Variants in CDH13 observed in about 807,000 individuals in gnomAD.
CDH13 encodes the protein cadherin 13.
CDH13 carries 24 observed loss-of-function variants against 63.8 expected under a neutral mutation model. The ratio of observed to expected loss-of-function variants is 0.38; its 90% CI spans 0.27 to 0.53. The LOEUF is 0.53. Among genes scored for constraint, CDH13 ranks in the 20% least tolerant of loss-of-function variants. The probability of loss-of-function intolerance (pLI) is 0.85; values close to 1 mark genes in which losing one functional copy is unlikely to be tolerated. For missense variants in CDH13, 1,049 were observed against 903.1 expected (o/e 1.16, Z -2.07); for synonymous variants, 503 against 355.3 (o/e 1.42, Z -4.67).
chr16:82,766,056 A>G (rs541828357), intron 1 of CDH13, among the ~76,000 whole-genome samples: 2 of 152,346 alleles, frequency 1.3e-5, no homozygotes, highest in African/African-American at 4.8e-5. Flanking sequence ...ACTAAGCTTA[A>G]GAATTGAGGT....
At chr16:82,806,496 G>C (rs1181738806) in intron 1 of CDH13, among the ~76,000 whole-genome samples, 1 of 151,764 alleles carries the variant, frequency 6.6e-6, no homozygotes, top group African/African-American at 2.4e-5. Context: ...TCTGTTTTTT[G>C]TTTTGTTTTG....
At chr16:83,561,703 T>C (rs959408668) in intron 7 of CDH13, among the ~76,000 whole-genome samples, 5 of 152,206 alleles carry the variant, frequency 3.3e-5, no homozygotes, top group African/African-American at 1.2e-4. Flanking sequence ...AAGGTGATGA[T>C]GAATTTTGAG....
At chr16:83,442,737 C>G (rs767591116) in intron 6 of CDH13, among the ~76,000 whole-genome samples, 1 of 152,190 alleles carries the variant, frequency 6.6e-6, no homozygotes, top group Non-Finnish European at 1.5e-5. Flanking sequence ...ACAGTGATAT[C>G]AGAATGTTAC....
chr16:82,835,412 C>T lies in CDH13; in HGVS notation c.46-22950C>T, dbSNP rs192466986. Among the ~76,000 whole-genome samples, 13 of 152,280 alleles carry T rather than the reference C, an allele frequency of 8.5e-5. No individual in the cohort carries two copies. In the East Asian group the frequency reaches 2.5e-3, roughly 29 times the overall value. Reference sequence around the variant, plus strand: ...CCTGGATTTAAACTCCAAAGCTACCCCAATTTTAGCTGGAGGGACCATATT... The same window carrying T: ...CCTGGATTTAAACTCCAAAGCTACCTCAATTTTAGCTGGAGGGACCATATT... On this transcript the variant is annotated intron_variant, in intron 1 of 13. Coordinates refer to ENST00000567109, the MANE Select transcript of CDH13 (RefSeq NM_001257.5).
intron 7 of CDH13, among the ~76,000 whole-genome samples, chr16:83,561,069 C>T (rs913001548): frequency 1.6e-4 from 25 of 152,140 alleles, no homozygotes; most frequent in African/African-American, 6.0e-4. Context: ...CTGTGACTCC[C>T]AAACCAATAA....
intron 5 of CDH13, among the ~76,000 whole-genome samples, chr16:83,307,977 C>T (rs566158195): frequency 1.3e-5 from 2 of 152,106 alleles, no homozygotes; most frequent in African/African-American, 4.8e-5. Context: ...TGCAGCATGC[C>T]ACCTTCATAA....
intron 1 of CDH13, among the ~76,000 whole-genome samples, chr16:82,627,981 G>C (rs1367806761): frequency 6.6e-6 from 1 of 152,254 alleles, no homozygotes; most frequent in Non-Finnish European, 1.5e-5. Flanking sequence ...AGAGCGCCAC[G>C]GCGCGAGGGA....
intron 7 of CDH13, among the ~76,000 whole-genome samples, chr16:83,544,472 C>G (rs1355805080): frequency 1.3e-5 from 2 of 152,096 alleles, no homozygotes; most frequent in African/African-American, 4.8e-5. Context: ...CATAGCTTAG[C>G]CTACCCTACC....
chr16:83,573,939 T>A (rs1165768009), intron 7 of CDH13, among the ~76,000 whole-genome samples: 2 of 152,128 alleles, frequency 1.3e-5, no homozygotes, highest in East Asian at 3.9e-4. Flanking sequence ...ACCATCTTGC[T>A]CCAGATTTCA....
At chr16:83,225,012 A>G (rs1471901939) in intron 5 of CDH13, among the ~76,000 whole-genome samples, 1 of 152,158 alleles carries the variant, frequency 6.6e-6, no homozygotes, top group East Asian at 1.9e-4. Flanking sequence ...GCAGTTTCAA[A>G]CTGTGGCCCC....
chr16:83,436,024 C>G (rs1598015591), intron 6 of CDH13, among the ~76,000 whole-genome samples: 1 of 152,276 alleles, frequency 6.6e-6, no homozygotes, highest in East Asian at 1.9e-4. Flanking sequence ...GTTGTCATGA[C>G]TCAGGGATGC....
intron 1 of CDH13, among the ~76,000 whole-genome samples, chr16:82,832,907 G>C (rs1344061153): frequency 1.3e-5 from 2 of 152,254 alleles, no homozygotes; most frequent in Non-Finnish European, 2.9e-5. Flanking sequence ...TTTGGCAGCA[G>C]ATGCTTAAGA....
intron 3 of CDH13, among the ~76,000 whole-genome samples, chr16:83,078,061 T>G (rs917395996): frequency 6.6e-6 from 1 of 152,176 alleles, no homozygotes; most frequent in Non-Finnish European, 1.5e-5. Context: ...ACTTGCATCC[T>G]CCATCTGACC....
intron 2 of CDH13, among the ~76,000 whole-genome samples, chr16:82,931,505 G>GT (rs2042490735): frequency 2.2e-5 from 3 of 134,108 alleles, no homozygotes; most frequent in Admixed American, 7.4e-5. Context: ...GGACCTTGAG[G>GT]TCCCCCCCTT....
At chr16:83,739,107 G>T (rs925886081) in intron 10 of CDH13, among the ~76,000 whole-genome samples, 2 of 152,148 alleles carry the variant, frequency 1.3e-5, no homozygotes, top group African/African-American at 4.8e-5. Context: ...TGGATGTGGG[G>T]AGGGCTCCCA....
intron 2 of CDH13, among the ~76,000 whole-genome samples, chr16:82,960,684 C>A (rs1330565298): frequency 6.6e-6 from 1 of 152,076 alleles, no homozygotes; most frequent in Non-Finnish European, 1.5e-5. Flanking sequence ...AAAGCAGAAA[C>A]AAAGAGCACT....
intron 11 of CDH13, among the ~76,000 whole-genome samples, chr16:83,766,351 C>G (rs1288962989): frequency 1.3e-5 from 2 of 152,144 alleles, no homozygotes; most frequent in African/African-American, 4.8e-5. Flanking sequence ...TAGGTTGGCA[C>G]AAAAATAATT....
chr16:83,146,477 C>T (rs1042549465), intron 4 of CDH13, among the ~76,000 whole-genome samples: 3 of 152,224 alleles, frequency 2.0e-5, no homozygotes, highest in Non-Finnish European at 4.4e-5. Context: ...AAGCTGCCTG[C>T]AGCAGCTCAG....
intron 7 of CDH13, among the ~76,000 whole-genome samples, chr16:83,499,460 C>T (rs2074220803): frequency 6.6e-6 from 1 of 152,236 alleles, no homozygotes. Flanking sequence ...CACCTTTCAC[C>T]AGCCTTGTGC....
Sources: gnomAD v4.1 joint callset for allele counts (sites outside exome capture counted in the v4.1 genomes callset) on GRCh38, gnomAD v4.1.1 for gene constraint, MANE v1.5 for transcripts, NCBI Gene and HGNC (gene_info 2026-07-23, HGNC 2026-07-21) for gene names.